The following PPHLN1 variants were observed in gnomAD, a reference collection of about 807,000 sequenced individuals.
The protein encoded by PPHLN1 is periphilin-1.
Under a neutral mutation model 51.3 loss-of-function variants are expected in PPHLN1, and 29 were observed. The ratio of observed to expected loss-of-function variants is 0.57; its 90% CI spans 0.42 to 0.77. The LOEUF (loss-of-function observed/expected upper bound fraction) is 0.77. PPHLN1 is among the 30% of genes least tolerant of loss of function. The pLI is 0.00. For missense variants in PPHLN1, 436 were observed against 438.4 expected, an observed-to-expected ratio of 0.99 and a Z score of 0.05; for synonymous variants, 147 against 147.8, an observed-to-expected ratio of 0.99 and a Z score of 0.04.
chr12:42,380,345 C>T (rs190812641), intron 5 of PPHLN1, among the ~76,000 whole-genome samples: 3 of 151,922 alleles, frequency 2.0e-5, no homozygotes. Flanking sequence ...AACTTTGGGC[C>T]TAGCTTCCCT....
chr12:42,388,566 G>A (rs1592640861), intron 7 of PPHLN1, among the ~76,000 whole-genome samples: 1 of 152,152 alleles, frequency 6.6e-6, no homozygotes, highest in African/African-American at 2.4e-5. Context: ...CGGTGCTGGT[G>A]CAGGTCCTTA....
intron 9 of PPHLN1, among the ~76,000 whole-genome samples, chr12:42,432,638 A>G (rs1013179928): frequency 6.6e-6 from 1 of 152,204 alleles, no homozygotes; most frequent in Non-Finnish European, 1.5e-5. Flanking sequence ...AGCACTCTCT[A>G]TAGATTCTAA....
chr12:42,390,985 T>C (rs2077658133), intron 7 of PPHLN1, among the ~76,000 whole-genome samples: 1 of 152,100 alleles, frequency 6.6e-6, no homozygotes, highest in African/African-American at 2.4e-5. Context: ...AATCTTAAAA[T>C]GGAATCAAAA....
At chr12:42,361,091 A>G (rs61926571) in intron 4 of PPHLN1, among the ~76,000 whole-genome samples, 24,684 of 151,996 alleles carry the variant, frequency 0.16, 2,047 homozygotes, top group Admixed American at 0.2. Context: ...GCCCCCCATT[A>G]TGATAGTATT....
At chr12:42,432,393 G>A in intron 9 of PPHLN1, 1 of 753,098 alleles carries the variant, frequency 1.3e-6, no homozygotes, top group Non-Finnish European at 2.5e-6. Flanking sequence ...AAAAGAACTT[G>A]CACATTTCCA....
intron 9 of PPHLN1, among the ~76,000 whole-genome samples, chr12:42,428,743 A>G (rs1566016440): frequency 6.6e-6 from 1 of 152,174 alleles, no homozygotes; most frequent in South Asian, 2.1e-4. Flanking sequence ...CATGTAACCA[A>G]ACATCACCTG....
At chr12:42,400,769 C>T (rs188015797) in intron 9 of PPHLN1, among the ~76,000 whole-genome samples, 1 of 146,044 alleles carries the variant, frequency 6.8e-6, no homozygotes, top group African/African-American at 2.6e-5. Flanking sequence ...CTCTCTCTCT[C>T]TCTCTTTCTC....
At chr12:42,367,593 A>G (rs1341714618) in intron 4 of PPHLN1, among the ~76,000 whole-genome samples, 1 of 152,122 alleles carries the variant, frequency 6.6e-6, no homozygotes, top group Non-Finnish European at 1.5e-5. Context: ...GTTATCTTAA[A>G]TATTAATATT....
At chr12:42,436,372 A>G (rs2082483532) in intron 9 of PPHLN1, among the ~76,000 whole-genome samples, 1 of 152,174 alleles carries the variant, frequency 6.6e-6, no homozygotes, top group Admixed American at 6.5e-5. Flanking sequence ...CCCTGGCCTC[A>G]GCTGGCATTA....
chr12:42,426,229 C>CACACACACACACACA (rs1491123459), intron 9 of PPHLN1, among the ~76,000 whole-genome samples: 4 of 137,976 alleles, frequency 2.9e-5, no homozygotes, highest in African/African-American at 5.4e-5. Flanking sequence ...CACACACACA[C>CACACACACACACACA]CCTCATGCAT....
intron 7 of PPHLN1, among the ~76,000 whole-genome samples, chr12:42,391,029 A>G (rs2077661559): frequency 6.6e-6 from 1 of 152,082 alleles, no homozygotes. Flanking sequence ...TATTTTACAT[A>G]TTCAGAAGGT....
chr12:42,425,246 A>ATTTTTTTTTTTTTTT (rs34484756), intron 9 of PPHLN1, among the ~76,000 whole-genome samples: 8 of 124,796 alleles, frequency 6.4e-5, no homozygotes, highest in African/African-American at 1.5e-4. Context: ...TGCCTGGCTA[A>ATTTTTTTTTTTTTTT]TTTTTTTTTT....
At chr12:42,444,618 AG>A (rs1365561739), downstream of PPHLN1, 1 of 162,518 alleles carries the variant, frequency 6.2e-6, no homozygotes, top group Non-Finnish European at 1.3e-5. Context: ...CTATACAGAC[AG>A]CGGATGATGC....
At chr12:42,431,793 A>G (rs2082057831) in intron 9 of PPHLN1, 2 of 1,149,618 alleles carry the variant, frequency 1.7e-6, no homozygotes, top group South Asian at 1.2e-5. Context: ...CGGGCTATTT[A>G]TTGCCTTTTC....
chr12:42,360,377 G>A (rs1029745392), intron 4 of PPHLN1, among the ~76,000 whole-genome samples: 2 of 143,052 alleles, frequency 1.4e-5, no homozygotes, highest in South Asian at 2.2e-4. Context: ...TTTGTCCAGC[G>A]TTTCTTCATT....
At chr12:42,402,274 AATTTTT>A (rs1412050033) in intron 9 of PPHLN1, among the ~76,000 whole-genome samples, 1 of 152,188 alleles carries the variant, frequency 6.6e-6, no homozygotes, top group Non-Finnish European at 1.5e-5. Context: ...CTGTAAAGAC[AATTTTT>A]ATTATAGTCA....
chr12:42,361,338 T>G (rs1180796733), intron 4 of PPHLN1: 1 of 149,966 alleles, frequency 6.7e-6, no homozygotes, highest in East Asian at 2.0e-4. Flanking sequence ...TAGTTTGTTG[T>G]TTAAGCCTAT....
intron 2 of PPHLN1, among the ~76,000 whole-genome samples, chr12:42,345,433 GA>G (rs1402852000): frequency 1.3e-5 from 2 of 151,602 alleles, no homozygotes; most frequent in Non-Finnish European, 2.9e-5. Context: ...CATTTTAAAT[GA>G]GCTACATATA....
intron 5 of PPHLN1, among the ~76,000 whole-genome samples, chr12:42,380,924 A>G (rs2138918535): frequency 6.6e-6 from 1 of 152,298 alleles, no homozygotes; most frequent in South Asian, 2.1e-4. Context: ...TTGTTTGCCA[A>G]GCGAGACAGA....
Sources: allele counts gnomAD v4.1 joint callset (sites outside exome capture counted in the v4.1 genomes callset), GRCh38; gene constraint gnomAD v4.1.1; transcripts MANE v1.5; gene names NCBI Gene and HGNC (gene_info 2026-07-23, HGNC 2026-07-21).